FBXW7: variants seen among roughly 807,000 people sequenced by gnomAD.
FBXW7 encodes the protein F-box/WD repeat-containing protein 7.
In FBXW7, 11 loss-of-function variants were observed where a neutral mutation model predicts 86.3. The observed-to-expected ratio is 0.13, with a 90% CI of 0.08 to 0.21. The LOEUF is 0.21. FBXW7 is among the 10% of genes least tolerant of loss of function. The pLI, the probability that FBXW7 is intolerant of heterozygous loss-of-function variation, is 1.00. For synonymous variants in FBXW7, 313 were observed against 297.9 expected, an observed-to-expected ratio of 1.05 and a Z score of -0.52; for missense variants, 488 against 847.4, an observed-to-expected ratio of 0.58 and a Z score of 5.27.
chr4:152,403,967 C>T (rs56683584), intron 4 of FBXW7, among the ~76,000 whole-genome samples: 1 of 152,164 alleles, frequency 6.6e-6, no homozygotes. Context: ...TAAATATCTT[C>T]AAAACAAGAA....
chr4:152,339,475 C>T (rs956641225), intron 6 of FBXW7, among the ~76,000 whole-genome samples: 1 of 152,174 alleles, frequency 6.6e-6, no homozygotes, highest in African/African-American at 2.4e-5. Context: ...CATCTCTCTC[C>T]ATTTGGTATC....
chr4:152,509,553 C>T (rs973513599), intron 2 of FBXW7, among the ~76,000 whole-genome samples: 5 of 151,724 alleles, frequency 3.3e-5, no homozygotes, highest in Non-Finnish European at 5.9e-5. Flanking sequence ...TTGAGGTTAA[C>T]GAACGTAAAC....
chr4:152,351,744 T>C (rs1197781130), intron 4 of FBXW7, among the ~76,000 whole-genome samples: 1 of 152,124 alleles, frequency 6.6e-6, no homozygotes, highest in African/African-American at 2.4e-5. Context: ...CTAATTAAGT[T>C]TGTAATACTG....
chr4:152,447,840 A>C (rs534486408), intron 2 of FBXW7, among the ~76,000 whole-genome samples: 1 of 152,308 alleles, frequency 6.6e-6, no homozygotes, highest in African/African-American at 2.4e-5. Context: ...AAGCTAATGA[A>C]ATCTACGAAT....
intron 2 of FBXW7, among the ~76,000 whole-genome samples, chr4:152,478,159 T>C (rs1045369231): frequency 1.3e-5 from 2 of 152,076 alleles, no homozygotes; most frequent in African/African-American, 2.4e-5. Flanking sequence ...TGTACAATTA[T>C]CACCACTATT....
intron 4 of FBXW7, among the ~76,000 whole-genome samples, chr4:152,405,411 C>G (rs1387586085): frequency 6.6e-6 from 1 of 151,858 alleles, no homozygotes; most frequent in African/African-American, 2.4e-5. Context: ...GAGTATGATT[C>G]AAAACAAGTA....
intron 2 of FBXW7, among the ~76,000 whole-genome samples, chr4:152,439,595 G>A (rs1740695244): frequency 6.6e-6 from 1 of 152,066 alleles, no homozygotes; most frequent in Non-Finnish European, 1.5e-5. Flanking sequence ...GAAGTCCACG[G>A]TGGCTCAGGC....
At chr4:152,368,214 A>G (rs1380514365) in intron 4 of FBXW7, among the ~76,000 whole-genome samples, 3 of 152,136 alleles carry the variant, frequency 2.0e-5, no homozygotes, top group African/African-American at 7.2e-5. Context: ...TCTTCTCTAC[A>G]TACCAGCTGT....
At chr4:152,445,827 T>G (rs563792356) in intron 2 of FBXW7, among the ~76,000 whole-genome samples, 1 of 149,034 alleles carries the variant, frequency 6.7e-6, no homozygotes, top group East Asian at 2.0e-4. Flanking sequence ...GGATAATCAC[T>G]TGAACCTAGG....
At chr4:152,481,607 C>T (rs535503678) in intron 2 of FBXW7, among the ~76,000 whole-genome samples, 5 of 152,266 alleles carry the variant, frequency 3.3e-5, no homozygotes, top group South Asian at 4.1e-4. Flanking sequence ...TCAATCTGGA[C>T]GCCTTCAAAA....
At chr4:152,466,295 C>T (rs1743431977) in intron 2 of FBXW7, among the ~76,000 whole-genome samples, 1 of 152,202 alleles carries the variant, frequency 6.6e-6, no homozygotes, top group Non-Finnish European at 1.5e-5. Context: ...GTGGCTCAAG[C>T]CTGTAATCCC....
At chr4:152,488,391 C>T (rs1186253468) in intron 2 of FBXW7, among the ~76,000 whole-genome samples, 1 of 152,030 alleles carries the variant, frequency 6.6e-6, no homozygotes, top group Non-Finnish European at 1.5e-5. Flanking sequence ...CTAACATAAT[C>T]ATGAATTGAA....
intron 2 of FBXW7, among the ~76,000 whole-genome samples, chr4:152,436,045 T>C (rs986915908): frequency 1.3e-5 from 2 of 152,146 alleles, no homozygotes; most frequent in Non-Finnish European, 2.9e-5. Context: ...TAGGCCTCCC[T>C]ATCCCCTAAG....
chr4:152,403,528 T>C (rs979322385), intron 4 of FBXW7, among the ~76,000 whole-genome samples: 4 of 152,158 alleles, frequency 2.6e-5, no homozygotes, highest in Middle Eastern at 3.4e-3. Flanking sequence ...ACCAACCTTT[T>C]TGGCACCAGA....
At chr4:152,446,605 A>T (rs891157569) in intron 2 of FBXW7, among the ~76,000 whole-genome samples, 25 of 152,370 alleles carry the variant, frequency 1.6e-4, no homozygotes, top group East Asian at 1.2e-3. Flanking sequence ...AGGGCTCTTT[A>T]GAAAAGGCAG....
chr4:152,513,190 G>A (rs1361796238), intron 2 of FBXW7, among the ~76,000 whole-genome samples: 1 of 152,042 alleles, frequency 6.6e-6, no homozygotes, highest in African/African-American at 2.4e-5. Flanking sequence ...TGAATTTTCT[G>A]GTATGCAAAT....
intron 4 of FBXW7, among the ~76,000 whole-genome samples, chr4:152,386,058 A>G (rs1386697228): frequency 6.6e-6 from 1 of 152,094 alleles, no homozygotes; most frequent in Non-Finnish European, 1.5e-5. Context: ...GACAAGGTAT[A>G]TAAGAACCCC....
intron 4 of FBXW7, among the ~76,000 whole-genome samples, chr4:152,374,344 ATG>A (rs748328538): frequency 6.6e-6 from 1 of 152,026 alleles, no homozygotes; most frequent in Non-Finnish European, 1.5e-5. Context: ...TGACTATACC[ATG>A]TGTGTTTCTT....
At chr4:152,465,914 C>T (rs765668206) in intron 2 of FBXW7, among the ~76,000 whole-genome samples, 3 of 149,608 alleles carry the variant, frequency 2.0e-5, no homozygotes, top group Non-Finnish European at 4.4e-5. Flanking sequence ...AGCCAATGAA[C>T]ACCATGATTT....
Sources: gnomAD v4.1 joint callset for allele counts (sites outside exome capture counted in the v4.1 genomes callset) on GRCh38, gnomAD v4.1.1 for gene constraint, MANE v1.5 for transcripts, NCBI Gene and HGNC (gene_info 2026-07-23, HGNC 2026-07-21) for gene names.